IGSF21: variants seen among roughly 807,000 people sequenced by gnomAD.
The protein encoded by IGSF21 is immunoglobin superfamily member 21.
In IGSF21, 28 loss-of-function variants were observed where a neutral mutation model predicts 46.8. The observed-to-expected ratio is 0.60, with a 90% confidence interval of 0.44 to 0.82. The LOEUF (loss-of-function observed/expected upper bound fraction) is 0.82. Among genes scored for constraint, IGSF21 ranks in the 40% least tolerant of loss-of-function variants. The probability of loss-of-function intolerance (pLI) is 0.00; values close to 1 mark genes in which losing one functional copy is unlikely to be tolerated. For synonymous variants in IGSF21, 284 were observed against 273.6 expected, an observed-to-expected ratio of 1.04 and a Z score of -0.38; for missense variants, 624 against 665.5, an observed-to-expected ratio of 0.94 and a Z score of 0.69.
At chr1:18,185,666 A>ACC (rs2086896614) in intron 1 of IGSF21, among the ~76,000 whole-genome samples, 1 of 151,912 alleles carries the variant, frequency 6.6e-6, no homozygotes, top group Admixed American at 6.6e-5. Context: ...TCTGCCTCTT[A>ACC]CTCTCTGACC....
intron 4 of IGSF21, among the ~76,000 whole-genome samples, chr1:18,347,798 G>C (rs989642029): frequency 6.6e-6 from 1 of 152,128 alleles, no homozygotes; most frequent in African/African-American, 2.4e-5. Context: ...CTCTCTCCAA[G>C]GGAACTCGGA....
intron 2 of IGSF21, among the ~76,000 whole-genome samples, chr1:18,275,389 G>A (rs529915002): frequency 4.4e-4 from 67 of 152,252 alleles, no homozygotes; most frequent in African/African-American, 1.6e-3. Context: ...TGACCTTCCC[G>A]TCTCAGCAAT....
chr1:18,304,836 A>T (rs2085396191), intron 3 of IGSF21, among the ~76,000 whole-genome samples: 1 of 152,202 alleles, frequency 6.6e-6, no homozygotes, highest in South Asian at 2.1e-4. Context: ...GCTGGTATTT[A>T]AAAAAATTGA....
intron 3 of IGSF21, among the ~76,000 whole-genome samples, chr1:18,331,353 A>C (rs1390150557): frequency 6.6e-6 from 1 of 152,092 alleles, no homozygotes; most frequent in Non-Finnish European, 1.5e-5. Flanking sequence ...ATGAGAACAT[A>C]CAATGTTTGG....
At chr1:18,324,448 C>T (rs1218851478) in intron 3 of IGSF21, among the ~76,000 whole-genome samples, 1 of 152,220 alleles carries the variant, frequency 6.6e-6, no homozygotes, top group Non-Finnish European at 1.5e-5. Flanking sequence ...CAACCGCCTG[C>T]AGGGGGCGGT....
chr1:18,211,692 C>T (rs888838744), intron 1 of IGSF21, among the ~76,000 whole-genome samples: 2 of 152,152 alleles, frequency 1.3e-5, no homozygotes, highest in African/African-American at 4.8e-5. Context: ...CCTCTTTTCA[C>T]TTATTAAGAC....
intron 6 of IGSF21, among the ~76,000 whole-genome samples, chr1:18,370,767 A>G (rs1229852442): frequency 2.0e-5 from 3 of 152,194 alleles, no homozygotes; most frequent in African/African-American, 7.2e-5. Flanking sequence ...ATAATGAAAG[A>G]CTACCCAATT....
intron 3 of IGSF21, among the ~76,000 whole-genome samples, chr1:18,320,757 G>A (rs1182608323): frequency 1.3e-5 from 2 of 152,190 alleles, no homozygotes; most frequent in Admixed American, 6.5e-5. Context: ...AATTCCTCCA[G>A]GAGTTAGCTG....
rs572795108 is a variant in IGSF21, at chr1:18,189,463, A to G, written c.71-38435A>G. Reference sequence around the variant, plus strand: ...GAAGGTTTCAGGATAATTAAAGTACATTGCATTTCTTGTGCACTTTATTTC... The same window carrying G: ...GAAGGTTTCAGGATAATTAAAGTACGTTGCATTTCTTGTGCACTTTATTTC... On this transcript the variant is annotated intron_variant, in intron 1 of 9. Transcript: ENST00000251296. Among the ~76,000 whole-genome samples the G allele has an allele frequency of 1.4e-3, 209 of 152,198 alleles. 1 individual carries two copies. The highest frequency in any genetic ancestry group is 4.6e-3 in the African/African-American group (191 of 41,546).
chr1:18,251,864 A>G (rs1237546413), intron 2 of IGSF21, among the ~76,000 whole-genome samples: 1 of 152,126 alleles, frequency 6.6e-6, no homozygotes, highest in Non-Finnish European at 1.5e-5. Flanking sequence ...CACATGTAAC[A>G]TTCATACAAC....
Position 18,376,302 on chromosome 1 carries a change from C to T in IGSF21, c.1016-8C>T, listed in dbSNP as rs754333288. On this transcript the variant is annotated splice_region_variant and splice_polypyrimidine_tract_variant and intron_variant, in intron 6 of 9. Coordinates refer to ENST00000251296, the MANE Select transcript of IGSF21 (RefSeq NM_032880.5). Reference sequence around the variant, plus strand: ...ACTCTCTCTGACCTGGCCTTTCTCTCCCTACAGTTGCCCCCAAAGGACCCA... The same window carrying T: ...ACTCTCTCTGACCTGGCCTTTCTCTTCCTACAGTTGCCCCCAAAGGACCCA... 25 of 1,604,792 alleles carry T rather than the reference C, an allele frequency of 1.6e-5. No individual in the cohort carries two copies. The Middle Eastern group carries it at 1.3e-3, about 85-fold the overall frequency.
chr1:18,314,314 C>A (rs2085519264), intron 3 of IGSF21, among the ~76,000 whole-genome samples: 1 of 148,942 alleles, frequency 6.7e-6, no homozygotes. Context: ...AAGAAAATAT[C>A]TAGTCTGTCT....
intron 1 of IGSF21, among the ~76,000 whole-genome samples, chr1:18,172,401 A>C (rs2086745962): frequency 6.6e-6 from 1 of 152,168 alleles, no homozygotes; most frequent in Non-Finnish European, 1.5e-5. Context: ...CTGCCATAAC[A>C]CATATCATAG....
intron 2 of IGSF21, among the ~76,000 whole-genome samples, chr1:18,280,915 C>T (rs923018291): frequency 1.3e-4 from 20 of 152,332 alleles, no homozygotes; most frequent in Admixed American, 1.3e-3. Context: ...GCAGGGCCTG[C>T]CCTGGACCCT....
Position 18,342,054 on chromosome 1 carries a change from G to GT in IGSF21, c.424+7058dup, listed in dbSNP as rs60349068. 2.7e-3 allele frequency among the ~76,000 whole-genome samples: 397 copies of GT among 144,630 alleles called. 2 individuals carry two copies. The highest frequency in any genetic ancestry group is 3.8e-3 in the Non-Finnish European group (255 of 66,428). The allele number at this position is 144,630 out of a possible 152,430, so 94.9% of individuals were successfully genotyped here. ...TAAGTGTGCCTGGTGCATTTTCCTT[G>GT]TTTTTTTTTTTTTTGTTTGTTTGTT... is the stretch of plus-strand genomic sequence containing the variant. On this transcript the variant is annotated intron_variant, in intron 4 of 9. Transcript: ENST00000251296.
intron 1 of IGSF21, among the ~76,000 whole-genome samples, chr1:18,217,916 G>A (rs1202308941): frequency 6.6e-6 from 1 of 152,228 alleles, no homozygotes; most frequent in Non-Finnish European, 1.5e-5. Context: ...CAATGAGCTA[G>A]TAATTACAGA....
Position 18,218,195 on chromosome 1 carries a change from G to A in IGSF21, c.71-9703G>A, listed in dbSNP as rs554565844. On this transcript the variant is annotated intron_variant, in intron 1 of 9. Coordinates refer to ENST00000251296, the MANE Select transcript of IGSF21 (RefSeq NM_032880.5). ...CTTACAATCATAGCAGAAGGTGAAG[G>A]GGAAGCAGGCACATCTTACATGGCT... is the stretch of plus-strand genomic sequence containing the variant. Among the ~76,000 whole-genome samples the A allele has an allele frequency of 4.6e-5, 7 of 152,296 alleles. No individual in the cohort carries two copies. The South Asian group carries it at 1.5e-3, about 32-fold the overall frequency.
At chr1:18,349,824 C>T (rs6681045) in intron 4 of IGSF21, among the ~76,000 whole-genome samples, 19,444 of 151,734 alleles carry the variant, frequency 0.13, 1,591 homozygotes, top group Middle Eastern at 0.18. Context: ...TTTGGAAGGC[C>T]GATATGGGAT....
intron 2 of IGSF21, among the ~76,000 whole-genome samples, chr1:18,241,543 G>A (rs1221368774): frequency 1.3e-5 from 2 of 152,162 alleles, no homozygotes; most frequent in Admixed American, 6.5e-5. Context: ...TTTCTGTTAG[G>A]TCCCATTGAA....
Sources: allele counts gnomAD v4.1 joint callset (sites outside exome capture counted in the v4.1 genomes callset), GRCh38; gene constraint gnomAD v4.1.1; transcripts MANE v1.5; gene names NCBI Gene and HGNC (gene_info 2026-07-23, HGNC 2026-07-21).